CBFA2T2: variants seen among roughly 807,000 people sequenced by gnomAD.
The protein encoded by CBFA2T2 is protein CBFA2T2.
CBFA2T2 carries 11 observed loss-of-function variants against 62.2 expected under a neutral mutation model. The ratio of observed to expected loss-of-function variants is 0.18; its 90% CI spans 0.11 to 0.29. The LOEUF (loss-of-function observed/expected upper bound fraction) is 0.29, where lower values mean the gene tolerates loss of function less well. Ranked by LOEUF, CBFA2T2 falls within the 10% of genes least tolerant of loss-of-function variation. CBFA2T2 has a pLI of 1.00. For synonymous variants in CBFA2T2, 295 were observed against 287.5 expected (o/e 1.03, Z -0.27); for missense variants, 592 against 774.1 (o/e 0.76, Z 2.79).
At chr20:33,581,480 TTGTGTGTG>T (rs3051490) in intron 1 of CBFA2T2, among the ~76,000 whole-genome samples, 2 of 150,558 alleles carry the variant, frequency 1.3e-5, no homozygotes, top group African/African-American at 4.9e-5. Flanking sequence ...TTTTTGTTCT[TTGTGTGTG>T]TGTGTGTGTG....
chr20:33,562,705 T>A (rs1004151165), intron 1 of CBFA2T2: 5 of 981,326 alleles, frequency 5.1e-6, no homozygotes, highest in Non-Finnish European at 6.1e-6. Flanking sequence ...TTTTGGGGGT[T>A]AAAGTGCACA....
At chr20:33,615,492 C>T (rs1239151507) in intron 3 of CBFA2T2, among the ~76,000 whole-genome samples, 5 of 151,996 alleles carry the variant, frequency 3.3e-5, no homozygotes, top group Non-Finnish European at 7.4e-5. Flanking sequence ...TCTGTAAAAC[C>T]CTGAGGAAAG....
chr20:33,491,173 T>C (rs1356609846), intron 1 of CBFA2T2, among the ~76,000 whole-genome samples: 1 of 152,192 alleles, frequency 6.6e-6, no homozygotes, highest in African/African-American at 2.4e-5. Flanking sequence ...TTCATTATTG[T>C]AATTATAATA....
At chr20:33,527,842 C>A (rs1364411066) in intron 1 of CBFA2T2, among the ~76,000 whole-genome samples, 2 of 151,972 alleles carry the variant, frequency 1.3e-5, no homozygotes, top group Non-Finnish European at 2.9e-5. Flanking sequence ...CCACTCCCAG[C>A]CTGATTTGTA....
chr20:33,590,863 TG>T (rs1223820715), intron 1 of CBFA2T2, among the ~76,000 whole-genome samples: 3 of 152,008 alleles, frequency 2.0e-5, no homozygotes, highest in Non-Finnish European at 4.4e-5. Context: ...TGGAGCCAGG[TG>T]GAACCCAGGC....
At chr20:33,544,082 T>A (rs555629340) in intron 1 of CBFA2T2, among the ~76,000 whole-genome samples, 3 of 152,272 alleles carry the variant, frequency 2.0e-5, no homozygotes, top group Non-Finnish European at 4.4e-5. Flanking sequence ...GCAGCCAGAG[T>A]GGTTCAATTT....
At position 33,640,393 on chromosome 20, in the gene CBFA2T2, C is replaced by T. The variant is rs117096676; in HGVS notation, c.1350C>T (p.Ala450=). ...AGGCCATGTCAGAAGTACAGAAGGCCGTCGCTGAGGCAGAGCAGAAAGCCT... is the reference window on the plus strand; with the variant it reads ...AGGCCATGTCAGAAGTACAGAAGGCTGTCGCTGAGGCAGAGCAGAAAGCCT... The part of the protein sequence containing the change: ...KIQAMSEVQK[A]VAEAEQKAFE... Residue 450 remains alanine (A), a synonymous_variant, in exon 10 of 11, where the codon GCC becomes GCT. Coordinates refer to ENST00000342704, the MANE Select transcript of CBFA2T2 (RefSeq NM_001032999.3). 24 of 1,614,050 alleles carry T rather than the reference C, an allele frequency of 1.5e-5. No individual in the cohort carries two copies. Among genetic ancestry groups the T allele is most frequent in the South Asian group, 6.6e-5 (6 of 91,080 alleles).
At position 33,644,748 on chromosome 20, in the gene CBFA2T2, C is replaced by A. The variant is rs1002630998; in HGVS notation, c.*102C>A. On this transcript the variant is annotated 3_prime_UTR_variant, in exon 11 of 11. Transcript: ENST00000342704. Reference sequence around the variant, plus strand: ...GTGCATGTAGCTGCCGGGTCATCAGCAAGAAATGAATTGGAGGCAGGAAGA... The same window carrying A: ...GTGCATGTAGCTGCCGGGTCATCAGAAAGAAATGAATTGGAGGCAGGAAGA... The A allele has an allele frequency of 7.9e-7, 1 of 1,272,642 alleles. No individual in the cohort carries two copies. Among genetic ancestry groups the A allele is most frequent in the Non-Finnish European group, 1.1e-6 (1 of 917,396 alleles). The allele number at this position is 1,272,642 out of a possible 1,614,324, so 78.8% of individuals were successfully genotyped here. A position where few individuals can be genotyped will look rare whatever the true frequency, so the allele number is the denominator to read the frequency against.
Position 33,646,230 on chromosome 20 carries a change from C to T in CBFA2T2, c.*1584C>T, listed in dbSNP as rs546555404. The T allele has an allele frequency of 6.6e-6, 1 of 152,292 alleles. No homozygotes were observed. The highest frequency in any genetic ancestry group is 2.1e-4 in the South Asian group (1 of 4,818). The allele number at this position is 152,292 out of a possible 1,614,324, so 9.4% of individuals were successfully genotyped here. On this transcript the variant is annotated 3_prime_UTR_variant, in exon 11 of 11. Coordinates refer to ENST00000342704, the MANE Select transcript of CBFA2T2 (RefSeq NM_001032999.3). ...TGTTGGCCAGGCTGATCTCGAACTC[C>T]TGACCTCAGGTGACCTGCCTTGGCC...
At chr20:33,555,407 C>A (rs1181533220) in intron 1 of CBFA2T2, among the ~76,000 whole-genome samples, 2 of 152,158 alleles carry the variant, frequency 1.3e-5, no homozygotes, top group Admixed American at 1.3e-4. Flanking sequence ...AGTGTCTTCA[C>A]ACTTTTTTGT....
intron 1 of CBFA2T2, among the ~76,000 whole-genome samples, chr20:33,596,935 T>C (rs2014918989): frequency 1.3e-5 from 2 of 149,548 alleles, no homozygotes; most frequent in Admixed American, 6.6e-5. Flanking sequence ...TTTTTTTTTT[T>C]TTCTTTCTTT....
At chr20:33,526,570 G>A (rs755186768) in intron 1 of CBFA2T2, among the ~76,000 whole-genome samples, 3 of 152,024 alleles carry the variant, frequency 2.0e-5, no homozygotes, top group African/African-American at 4.8e-5. Context: ...ATGTGGACAC[G>A]TTTTCATTTC....
intron 4 of CBFA2T2, among the ~76,000 whole-genome samples, chr20:33,620,629 C>T (rs1568857758): frequency 6.6e-6 from 1 of 152,182 alleles, no homozygotes; most frequent in Non-Finnish European, 1.5e-5. Context: ...TACCTGAGGT[C>T]AGGAGTTAGA....
intron 8 of CBFA2T2, among the ~76,000 whole-genome samples, chr20:33,633,980 T>G (rs1051480986): frequency 1.3e-5 from 2 of 152,336 alleles, no homozygotes; most frequent in African/African-American, 4.8e-5. Context: ...TTTGTTTGTT[T>G]TTGTTTGAAA....
At chr20:33,504,713 T>G (rs563257449) in intron 1 of CBFA2T2, among the ~76,000 whole-genome samples, 2 of 152,182 alleles carry the variant, frequency 1.3e-5, no homozygotes, top group South Asian at 4.1e-4. Flanking sequence ...TATACTTAAC[T>G]TTTTTGGAAA....
At chr20:33,574,083 C>T in intron 1 of CBFA2T2, 1 of 1,514,542 alleles carries the variant, frequency 6.6e-7, no homozygotes, top group Non-Finnish European at 8.9e-7. Flanking sequence ...GCCACCATAC[C>T]AGTTCCTGTC....
intron 1 of CBFA2T2, among the ~76,000 whole-genome samples, chr20:33,555,353 A>G (rs952629923): frequency 6.6e-6 from 1 of 152,178 alleles, no homozygotes; most frequent in African/African-American, 2.4e-5. Context: ...GAATGGGATC[A>G]TTAGATCATG....
chr20:33,572,729 A>G (rs942786144), intron 1 of CBFA2T2, among the ~76,000 whole-genome samples: 5 of 152,238 alleles, frequency 3.3e-5, no homozygotes, highest in Admixed American at 2.6e-4. Flanking sequence ...ACAGAAGTTC[A>G]TGTAGAGCTT....
Position 33,644,606 on chromosome 20 carries a change from C to T in CBFA2T2, c.1748C>T (p.Thr583Ile). ...TCGGCAACCACATCGCGTTCCTCAA[C>T]ACCTGCTTCTGTGACAGCTATCGAC... ...KTSATTSRSS[T>I]PASVTAIDTN... is the part of the protein sequence containing the mutation. Residue 583 changes from threonine (T) to isoleucine (I), a missense_variant, in exon 11 of 11, where the codon ACA becomes ATA. Physicochemically the swap from Thr to Ile is moderately conservative, Grantham distance 89. This residue lies in a region of CBFA2T2 where 85 missense variants were observed against 99.0 expected (regional missense o/e 0.86). Coordinates refer to ENST00000342704, the MANE Select transcript of CBFA2T2 (RefSeq NM_001032999.3). 6.2e-7 allele frequency: 1 copy of T among 1,611,184 alleles called. No individual in the cohort carries two copies. Among genetic ancestry groups the T allele is most frequent in the Non-Finnish European group, 8.5e-7 (1 of 1,177,630 alleles).
Sources: allele counts gnomAD v4.1 joint callset (sites outside exome capture counted in the v4.1 genomes callset), GRCh38; gene constraint gnomAD v4.1.1; regional missense constraint gnomAD v4.1.1; transcripts MANE v1.5; gene names NCBI Gene and HGNC (gene_info 2026-07-23, HGNC 2026-07-21).